Variants in SPIDR observed in about 807,000 individuals in gnomAD.
SPIDR encodes DNA repair-scaffolding protein.
SPIDR carries 93 observed loss-of-function variants against 104.6 expected under a neutral mutation model. The ratio of observed to expected loss-of-function variants is 0.89; its 90% CI spans 0.75 to 1.06. The LOEUF (loss-of-function observed/expected upper bound fraction) is 1.06. SPIDR is among the 50% of genes least tolerant of loss of function. The pLI is 0.00. For synonymous variants in SPIDR, 431 were observed against 416.9 expected (o/e 1.03, Z -0.41); for missense variants, 1,154 against 1,111.2 (o/e 1.04, Z -0.55).
intron 6 of SPIDR, among the ~76,000 whole-genome samples, chr8:47,396,881 G>T (rs1465681663): frequency 2.0e-5 from 3 of 152,162 alleles, no homozygotes; most frequent in South Asian, 4.1e-4. Flanking sequence ...GGAGACAAGT[G>T]TGTAATTGTT....
intron 2 of SPIDR, 139 bp downstream of exon 2, chr8:47,280,156 T>C: frequency 1.4e-6 from 1 of 707,424 alleles, no homozygotes; most frequent in South Asian, 5.3e-5. Context: ...TTTTCTTGCC[T>C]TTCATTCCTT....
At chr8:47,452,110 G>A (rs1471060497) in intron 8 of SPIDR, among the ~76,000 whole-genome samples, 1 of 152,100 alleles carries the variant, frequency 6.6e-6, no homozygotes, top group Non-Finnish European at 1.5e-5. Flanking sequence ...TCCACACCAA[G>A]GCACATAGTA....
chr8:47,522,879 C>T (rs1423121377), intron 8 of SPIDR, among the ~76,000 whole-genome samples: 2 of 151,932 alleles, frequency 1.3e-5, no homozygotes, highest in African/African-American at 4.8e-5. Context: ...TCTCTAGTAA[C>T]CTGATGATGT....
chr8:47,287,304 G>A (rs2039029329), intron 3 of SPIDR, among the ~76,000 whole-genome samples: 1 of 152,136 alleles, frequency 6.6e-6, no homozygotes, highest in Non-Finnish European at 1.5e-5. Context: ...AAGGCAAAGG[G>A]CGAAATCAAA....
At chr8:47,343,356 G>A (rs1177992872) in intron 5 of SPIDR, among the ~76,000 whole-genome samples, 1 of 152,110 alleles carries the variant, frequency 6.6e-6, no homozygotes, top group Admixed American at 6.5e-5. Context: ...TAGCATAGAG[G>A]TTGACATGTG....
chr8:47,463,288 G>C (rs1276615737), intron 8 of SPIDR, among the ~76,000 whole-genome samples: 14 of 149,428 alleles, frequency 9.4e-5, no homozygotes, highest in Non-Finnish European at 6.0e-5. Flanking sequence ...ATGAACCTGG[G>C]AGGTGGAGCT....
At position 47,304,935 on chromosome 8, in the gene SPIDR, AT is replaced by A. The variant is rs2042870018; in HGVS notation, c.525+10909del. ...ACCACAAGAATGTGTTGTTATAAAA[AT>A]TTTCTGTCCCTTGCTCTCACCCTCA... On this transcript the variant is annotated intron_variant, in intron 5 of 19. Transcript: ENST00000297423. Among the ~76,000 whole-genome samples, 3 of 152,256 alleles carry A rather than the reference AT, an allele frequency of 2.0e-5. No individual in the cohort carries two copies. In the South Asian group the frequency reaches 6.2e-4, roughly 32 times the overall value.
At chr8:47,579,673 T>G (rs2059508258) in intron 8 of SPIDR, among the ~76,000 whole-genome samples, 1 of 152,076 alleles carries the variant, frequency 6.6e-6, no homozygotes, top group African/African-American at 2.4e-5. Flanking sequence ...GCCTAACACT[T>G]GATAACTGTC....
At chr8:47,444,498 C>T (rs1283373279) in intron 8 of SPIDR, among the ~76,000 whole-genome samples, 9 of 152,196 alleles carry the variant, frequency 5.9e-5, no homozygotes, top group African/African-American at 1.7e-4. Context: ...ACCCTTCCAT[C>T]GGTCCATTCA....
intron 7 of SPIDR, among the ~76,000 whole-genome samples, chr8:47,418,056 G>A (rs1418198248): frequency 3.3e-5 from 5 of 152,142 alleles, no homozygotes; most frequent in Non-Finnish European, 7.4e-5. Flanking sequence ...GTCAGGTAGC[G>A]TGATGCCTCC....
Position 47,440,495 on chromosome 8 carries a change from C to T in SPIDR, c.1050C>T (p.Gly350=). The change falls in exon 8 of 20, where the codon GGC becomes GGT. Residue 350 remains glycine, a synonymous_variant. Coordinates refer to ENST00000297423, the MANE Select transcript of SPIDR (RefSeq NM_001080394.4). The part of the protein sequence containing the change: ...LKVLFTKETA[G]YLRGRPQDTV... Reference sequence around the variant, plus strand: ...TTCTCTTCACCAAGGAGACTGCAGGCTACCTCAGGGGCCGTCCCCAGGACA... The same window carrying T: ...TTCTCTTCACCAAGGAGACTGCAGGTTACCTCAGGGGCCGTCCCCAGGACA... 1 of 1,614,256 alleles carries T rather than the reference C, an allele frequency of 6.2e-7. No individual in the cohort carries two copies. Among genetic ancestry groups the T allele is most frequent in the East Asian group, 2.2e-5 (1 of 44,884 alleles).
chr8:47,298,293 T>G (rs1486352130), intron 5 of SPIDR, among the ~76,000 whole-genome samples: 60 of 152,324 alleles, frequency 3.9e-4, no homozygotes, highest in African/African-American at 1.3e-3. Flanking sequence ...TTGCCCACTT[T>G]TTGATGGGGT....
At chr8:47,552,088 A>C (rs1329029829) in intron 8 of SPIDR, among the ~76,000 whole-genome samples, 1 of 152,142 alleles carries the variant, frequency 6.6e-6, no homozygotes, top group Non-Finnish European at 1.5e-5. Context: ...GTTTTGAGTG[A>C]GTTTCTTAAT....
intron 7 of SPIDR, among the ~76,000 whole-genome samples, chr8:47,437,697 T>C (rs1405349536): frequency 6.6e-6 from 1 of 151,952 alleles, no homozygotes; most frequent in Non-Finnish European, 1.5e-5. Flanking sequence ...AGATACCATC[T>C]CACACCAGTT....
rs2041280471 is a variant in SPIDR at position 47,298,217 on chromosome 8, A to G, written c.525+4187A>G. Among the ~76,000 whole-genome samples the G allele has an allele frequency of 2.0e-5, 3 of 152,300 alleles. No individual in the cohort carries two copies. In the East Asian group the frequency reaches 5.8e-4, roughly 29 times the overall value. Reference sequence around the variant, plus strand: ...ATTTCTCTGATGGCCAGTGATGATGAGCATCTTTTCACGTGTCTTTTGGCG... The same window carrying G: ...ATTTCTCTGATGGCCAGTGATGATGGGCATCTTTTCACGTGTCTTTTGGCG... On this transcript the variant is annotated intron_variant, in intron 5 of 19. Transcript: ENST00000297423.
At chr8:47,390,260 G>A (rs1802201756) in intron 5 of SPIDR, among the ~76,000 whole-genome samples, 1 of 152,170 alleles carries the variant, frequency 6.6e-6, no homozygotes, top group Non-Finnish European at 1.5e-5. Context: ...CACTGGGCTA[G>A]TGTATACCAC....
chr8:47,328,410 G>A (rs531705336), intron 5 of SPIDR, among the ~76,000 whole-genome samples: 3 of 150,988 alleles, frequency 2.0e-5, no homozygotes, highest in Non-Finnish European at 4.4e-5. Flanking sequence ...ACCAAGACTG[G>A]CTAATTATTT....
At chr8:47,734,396 G>A (rs971231863) in intron 19 of SPIDR, among the ~76,000 whole-genome samples, 4 of 152,164 alleles carry the variant, frequency 2.6e-5, no homozygotes, top group Non-Finnish European at 4.4e-5. Context: ...AGGGCACCAA[G>A]GAGCCACATT....
chr8:47,677,114 C>T (rs532935473), intron 11 of SPIDR, among the ~76,000 whole-genome samples: 7 of 152,292 alleles, frequency 4.6e-5, no homozygotes, highest in South Asian at 2.1e-4. Flanking sequence ...CCTTCCTCTC[C>T]GGGGCACACC....
Sources: allele counts gnomAD v4.1 joint callset (sites outside exome capture counted in the v4.1 genomes callset), GRCh38; gene constraint gnomAD v4.1.1; transcripts MANE v1.5; gene names NCBI Gene and HGNC (gene_info 2026-07-23, HGNC 2026-07-21).